Variants in PAPSS1 observed in about 807,000 individuals in gnomAD.
The protein encoded by PAPSS1 is 3'-phosphoadenosine 5'-phosphosulfate synthase 1.
Under a neutral mutation model 72.0 loss-of-function variants are expected in PAPSS1, and 50 were observed. The observed-to-expected ratio is 0.69, with a 90% CI of 0.55 to 0.88. The LOEUF (loss-of-function observed/expected upper bound fraction) is 0.88. Among genes scored for constraint, PAPSS1 ranks in the 40% least tolerant of loss-of-function variants. The pLI, the probability that PAPSS1 is intolerant of heterozygous loss-of-function variation, is 0.00. For missense variants in PAPSS1, 657 were observed against 782.2 expected, an observed-to-expected ratio of 0.84 and a Z score of 1.91; for synonymous variants, 261 against 263.6, an observed-to-expected ratio of 0.99 and a Z score of 0.09.
intron 10 of PAPSS1, among the ~76,000 whole-genome samples, chr4:107,636,464 A>G (rs1352244943): frequency 6.6e-6 from 1 of 152,104 alleles, no homozygotes; most frequent in African/African-American, 2.4e-5. Flanking sequence ...TTGGAAAATC[A>G]CTCGTTGAAT....
chr4:107,697,469 T>A (rs1287011038), intron 2 of PAPSS1, among the ~76,000 whole-genome samples: 1 of 151,972 alleles, frequency 6.6e-6, no homozygotes, highest in Non-Finnish European at 1.5e-5. Flanking sequence ...GCATCAAGTA[T>A]CAGGGAAAAA....
intron 1 of PAPSS1, among the ~76,000 whole-genome samples, chr4:107,703,365 C>T (rs997414956): frequency 1.4e-4 from 21 of 151,698 alleles, no homozygotes; most frequent in African/African-American, 5.1e-4. Flanking sequence ...TTGATGTACT[C>T]CCATTTGTCT....
chr4:107,659,749 C>T (rs1014368436), intron 6 of PAPSS1, among the ~76,000 whole-genome samples: 3 of 152,068 alleles, frequency 2.0e-5, no homozygotes, highest in Non-Finnish European at 4.4e-5. Flanking sequence ...TATTATTACT[C>T]AAAGCAAATC....
chr4:107,697,994 T>C (rs1361749726), intron 2 of PAPSS1, among the ~76,000 whole-genome samples: 1 of 152,156 alleles, frequency 6.6e-6, no homozygotes, highest in Non-Finnish European at 1.5e-5. Flanking sequence ...AGATTCTCCC[T>C]CAGCACTTAC....
chr4:107,714,906 A>G (rs1428243817), intron 1 of PAPSS1, among the ~76,000 whole-genome samples: 1 of 152,184 alleles, frequency 6.6e-6, no homozygotes, highest in Non-Finnish European at 1.5e-5. Context: ...TGGACATGCT[A>G]CCAGAAGCCA....
At chr4:107,683,576 T>G (rs1022610034) in intron 4 of PAPSS1, among the ~76,000 whole-genome samples, 1 of 152,158 alleles carries the variant, frequency 6.6e-6, no homozygotes, top group Non-Finnish European at 1.5e-5. Flanking sequence ...GGCTTAACAT[T>G]TTAGAAGCCC....
At chr4:107,705,300 C>T (rs975536220) in intron 1 of PAPSS1, among the ~76,000 whole-genome samples, 3 of 152,178 alleles carry the variant, frequency 2.0e-5, no homozygotes, top group East Asian at 1.9e-4. Flanking sequence ...GTGGAGGGAG[C>T]GACATGGTAG....
At chr4:107,710,829 G>A (rs1287359209) in intron 1 of PAPSS1, among the ~76,000 whole-genome samples, 1 of 152,168 alleles carries the variant, frequency 6.6e-6, no homozygotes. Flanking sequence ...CCTTCTCTGG[G>A]TGCAAGCGCA....
intron 10 of PAPSS1, among the ~76,000 whole-genome samples, chr4:107,634,855 A>G (rs1291383053): frequency 7.5e-6 from 1 of 133,346 alleles, no homozygotes; most frequent in Non-Finnish European, 1.5e-5. Context: ...GCTGGAGTGC[A>G]GTGACGATCT....
rs758665761 is a variant in PAPSS1 at position 107,720,156 on chromosome 4, G to A, written c.24C>T (p.Cys8=). 1.9e-6 allele frequency: 3 copies of A among 1,605,936 alleles called. No individual in the cohort carries two copies. Among genetic ancestry groups the A allele is most frequent in the Admixed American group, 1.7e-5 (1 of 59,398 alleles). The change falls in exon 1 of 12, where the codon TGC becomes TGT. Residue 8 remains cysteine (C), a synonymous_variant. Coordinates refer to ENST00000265174, the MANE Select transcript of PAPSS1 (RefSeq NM_005443.5). MEIPGSL[C]KKVKLSNNAQ... is the part of the protein sequence containing the mutation. ...CGTTATTGCTCAGTTTGACTTTCTT[G>A]CACAGGCTCCCGGGGATCTCCATGA...
At chr4:107,686,660 A>G (rs143682286) in intron 4 of PAPSS1, among the ~76,000 whole-genome samples, 17 of 152,398 alleles carry the variant, frequency 1.1e-4, no homozygotes, top group Non-Finnish European at 1.9e-4. Context: ...CAAGATGCTT[A>G]TAATTCAGGC....
chr4:107,675,019 G>C (rs1473363678), intron 5 of PAPSS1, among the ~76,000 whole-genome samples: 1 of 151,992 alleles, frequency 6.6e-6, no homozygotes, highest in Non-Finnish European at 1.5e-5. Flanking sequence ...GAATCTCTGG[G>C]ACACATTCAA....
chr4:107,671,113 A>G (rs2110329705), intron 5 of PAPSS1, among the ~76,000 whole-genome samples: 1 of 152,300 alleles, frequency 6.6e-6, no homozygotes, highest in East Asian at 1.9e-4. Flanking sequence ...CATAAATACC[A>G]CAGGAATCTG....
At chr4:107,624,554 C>T (rs932551000) in intron 11 of PAPSS1, among the ~76,000 whole-genome samples, 2 of 151,932 alleles carry the variant, frequency 1.3e-5, no homozygotes, top group African/African-American at 2.4e-5. Flanking sequence ...GTACTAATTT[C>T]AATAGAATAT....
In PAPSS1 at chr4:107,710,971, C is replaced by T. The variant is rs80142310; in HGVS notation, c.60+9149G>A. 6.2e-3 allele frequency among the ~76,000 whole-genome samples: 948 copies of T among 152,342 alleles called. 8 individuals carry two copies. Among genetic ancestry groups the T allele is most frequent in the African/African-American group, 0.022 (911 of 41,578 alleles). On this transcript the variant is annotated intron_variant, in intron 1 of 11. Coordinates refer to ENST00000265174, the MANE Select transcript of PAPSS1 (RefSeq NM_005443.5). ...GAGTTATATACCTGCGCTGTAAACT[C>T]GCTGAGTCATTCTGGACGTTTGCCT...
chr4:107,680,753 G>A (rs980386008), intron 5 of PAPSS1, among the ~76,000 whole-genome samples: 2 of 152,102 alleles, frequency 1.3e-5, no homozygotes, highest in African/African-American at 4.8e-5. Context: ...GAGATAAGGA[G>A]GAAGCTACAA....
At chr4:107,694,975 C>G (rs1227464921) in intron 2 of PAPSS1, among the ~76,000 whole-genome samples, 3 of 151,068 alleles carry the variant, frequency 2.0e-5, no homozygotes, top group Non-Finnish European at 4.4e-5. Flanking sequence ...GAAGAGAGGG[C>G]TTTTTTTTGG....
At position 107,647,858 on chromosome 4, in the gene PAPSS1, C is replaced by A. The variant is rs17037949; in HGVS notation, c.1238-2788G>T. 3.4e-3 allele frequency among the ~76,000 whole-genome samples: 519 copies of A among 152,266 alleles called. 2 individuals carry two copies. Among genetic ancestry groups the A allele is most frequent in the African/African-American group, 0.011 (475 of 41,544 alleles). On this transcript the variant is annotated intron_variant, in intron 9 of 11. Transcript: ENST00000265174. Reference sequence around the variant, plus strand: ...GGAAGCTTACCCCTACACCTGGGTTCAATTACCGCACACATACAGATGGCT... The same window carrying A: ...GGAAGCTTACCCCTACACCTGGGTTAAATTACCGCACACATACAGATGGCT...
At chr4:107,632,340 G>A (rs559924018) in intron 10 of PAPSS1, among the ~76,000 whole-genome samples, 1 of 151,986 alleles carries the variant, frequency 6.6e-6, no homozygotes, top group East Asian at 1.9e-4. Flanking sequence ...AAAGTTCATT[G>A]AGATATATAC....
Sources: allele counts gnomAD v4.1 joint callset (sites outside exome capture counted in the v4.1 genomes callset), GRCh38; gene constraint gnomAD v4.1.1; transcripts MANE v1.5; gene names NCBI Gene and HGNC (gene_info 2026-07-23, HGNC 2026-07-21).